Variants in TSPAN13 observed in about 807,000 individuals in gnomAD.
The protein encoded by TSPAN13 is tetraspanin 13.
TSPAN13 carries 18 observed loss-of-function variants against 26.9 expected under a neutral mutation model. The ratio of observed to expected loss-of-function variants is 0.67; its 90% CI spans 0.46 to 0.99. TSPAN13 has a LOEUF of 0.99. Ranked by LOEUF, TSPAN13 falls within the 50% of genes least tolerant of loss-of-function variation. The probability of loss-of-function intolerance (pLI) is 0.00; values close to 1 mark genes in which losing one functional copy is unlikely to be tolerated. For synonymous variants in TSPAN13, 116 were observed against 98.4 expected (o/e 1.18, Z -1.06); for missense variants, 201 against 249.6 (o/e 0.81, Z 1.31).
In TSPAN13 at chr7:16,779,031, C is replaced by T. The variant is rs1165836721; in HGVS notation, c.455C>T (p.Ser152Leu). 4.3e-6 allele frequency: 7 copies of T among 1,613,686 alleles called. No individual in the cohort carries two copies. Among genetic ancestry groups the T allele is most frequent in the South Asian group, 3.3e-5 (3 of 91,012 alleles). Residue 152 changes from serine (S) to leucine (L), a missense_variant, in exon 5 of 6, where the codon TCG (serine) becomes TTG (leucine). Coordinates refer to ENST00000262067, the MANE Select transcript of TSPAN13 (RefSeq NM_014399.4). The part of the protein sequence containing the change: ...ASCVKSDHSC[S>L]PCAPIIGEYA... Reference sequence around the variant, plus strand: ...TGTGTTAAAAGTGACCACTCGTGCTCGCCATGTGCTCCAATCATAGGAGAA... The same window carrying T: ...TGTGTTAAAAGTGACCACTCGTGCTTGCCATGTGCTCCAATCATAGGAGAA...
intron 1 of TSPAN13, among the ~76,000 whole-genome samples, chr7:16,775,366 A>G (rs1343911522): frequency 6.6e-6 from 1 of 152,218 alleles, no homozygotes; most frequent in African/African-American, 2.4e-5. Flanking sequence ...TGTTTTATAA[A>G]TATATGAATA....
Position 16,753,895 on chromosome 7 carries a change from G to A in TSPAN13, c.-73G>A. Reference sequence around the variant, plus strand: ...GCCTGGGCCAGGCCCCAAAGGCAAGGACAAAGCAGCTGTCAGGGAACCTCC... The same window carrying A: ...GCCTGGGCCAGGCCCCAAAGGCAAGAACAAAGCAGCTGTCAGGGAACCTCC... On this transcript the variant is annotated 5_prime_UTR_variant, in exon 1 of 6. Coordinates refer to ENST00000262067, the MANE Select transcript of TSPAN13 (RefSeq NM_014399.4). 2 of 1,505,498 alleles carry A rather than the reference G, an allele frequency of 1.3e-6. No homozygotes were observed. Among genetic ancestry groups the A allele is most frequent in the Non-Finnish European group, 1.8e-6 (2 of 1,099,626 alleles). The allele number at this position is 1,505,498 out of a possible 1,614,324, so 93.3% of individuals were successfully genotyped here. A position where few individuals can be genotyped will look rare whatever the true frequency, so the allele number is the denominator to read the frequency against.
chr7:16,771,483 G>C (rs1784679055), intron 1 of TSPAN13, among the ~76,000 whole-genome samples: 1 of 152,230 alleles, frequency 6.6e-6, no homozygotes, highest in South Asian at 2.1e-4. Flanking sequence ...ATCTGGGTGA[G>C]CTTTATGGAA....
intron 1 of TSPAN13, among the ~76,000 whole-genome samples, chr7:16,772,366 G>A (rs1235425360): frequency 6.6e-6 from 1 of 152,122 alleles, no homozygotes; most frequent in Non-Finnish European, 1.5e-5. Context: ...CCACGAACAT[G>A]GTGACTCAAA....
chr7:16,781,104 A>T (rs1030460124), intron 5 of TSPAN13, among the ~76,000 whole-genome samples: 16 of 152,204 alleles, frequency 1.1e-4, no homozygotes, highest in African/African-American at 3.9e-4. Flanking sequence ...ACAAACCTAA[A>T]CCATGAGAGA....
intron 1 of TSPAN13, among the ~76,000 whole-genome samples, chr7:16,761,967 C>T (rs541058877): frequency 8.1e-4 from 124 of 152,162 alleles, no homozygotes; most frequent in Non-Finnish European, 1.6e-3. Flanking sequence ...TTAGTGCTAA[C>T]AAAACATTTT....
Position 16,783,720 on chromosome 7 carries a change from T to C in TSPAN13, c.*229T>C, listed in dbSNP as rs1009579939. On this transcript the variant is annotated 3_prime_UTR_variant, in exon 6 of 6. Coordinates refer to ENST00000262067, the MANE Select transcript of TSPAN13 (RefSeq NM_014399.4). Reference sequence around the variant, plus strand: ...CTGAAGCTCGGTGGCACCTGGAATTTACTGTATTCATTGTCGGGCACTGTC... The same window carrying C: ...CTGAAGCTCGGTGGCACCTGGAATTCACTGTATTCATTGTCGGGCACTGTC... 2 of 555,720 alleles carry C rather than the reference T, an allele frequency of 3.6e-6. No individual in the cohort carries two copies. Among genetic ancestry groups the C allele is most frequent in the Non-Finnish European group, 6.4e-6 (2 of 312,868 alleles). The allele number at this position is 555,720 out of a possible 1,614,324, so 34.4% of individuals were successfully genotyped here.
At chr7:16,781,077 A>G (rs772686990) in intron 5 of TSPAN13, among the ~76,000 whole-genome samples, 3 of 152,220 alleles carry the variant, frequency 2.0e-5, no homozygotes, top group African/African-American at 4.8e-5. Flanking sequence ...GATTTGAACT[A>G]TTTATTATAC....
chr7:16,773,557 GAA>G (rs1455380690), intron 1 of TSPAN13, among the ~76,000 whole-genome samples: 1 of 152,172 alleles, frequency 6.6e-6, no homozygotes, highest in African/African-American at 2.4e-5. Flanking sequence ...CGTTTGCAGA[GAA>G]AGTTTGCCAA....
intron 1 of TSPAN13, among the ~76,000 whole-genome samples, chr7:16,768,347 A>C (rs151239908): frequency 1.5e-4 from 23 of 152,300 alleles, no homozygotes; most frequent in African/African-American, 5.5e-4. Flanking sequence ...CGGCAGGTAA[A>C]AACACAGATC....
chr7:16,779,240 A>C, intron 5 of TSPAN13, 124 bp downstream of exon 5: 1 of 662,248 alleles, frequency 1.5e-6, no homozygotes, highest in Non-Finnish European at 2.5e-6. Context: ...AAAAAGAGGA[A>C]ACTTGGTTTA....
chr7:16,778,087 TCCAGAGAGTGTTGAGAATTTCAAGG>T (rs1374645602), intron 4 of TSPAN13, among the ~76,000 whole-genome samples, 176 bp downstream of exon 4: 1 of 152,196 alleles, frequency 6.6e-6, no homozygotes, highest in Non-Finnish European at 1.5e-5. Context: ...AAATACCCAC[TCCAGAGAGTGTTGAGAATTTCAAGG>T]CCCTATTGGA....
At chr7:16,783,224 G>A (rs1270713281) in intron 5 of TSPAN13, among the ~76,000 whole-genome samples, 193 bp from the exon 6 acceptor site, 1 of 152,014 alleles carries the variant, frequency 6.6e-6, no homozygotes, top group African/African-American at 2.4e-5. Context: ...GTTTACCACA[G>A]TGTTCGTTTT....
intron 1 of TSPAN13, among the ~76,000 whole-genome samples, chr7:16,770,960 G>C (rs1419622348): frequency 6.6e-6 from 1 of 152,170 alleles, no homozygotes; most frequent in East Asian, 1.9e-4. Context: ...TCTCTTTCTG[G>C]ATAGGTTGTT....
chr7:16,783,562 A>T lies in TSPAN13; in HGVS notation c.*71A>T. The T allele has an allele frequency of 6.9e-7, 1 of 1,443,550 alleles. No individual in the cohort carries two copies. Among genetic ancestry groups the T allele is most frequent in the Non-Finnish European group, 9.7e-7 (1 of 1,026,818 alleles). 89.4% of individuals were successfully genotyped at this position (1,443,550 alleles called of 1,614,324 possible). ...TTTCTGTAATTTTCTGTTAAGCTCC[A>T]TTTGCCAGTTTAAGGAAGGAAACAC... On this transcript the variant is annotated 3_prime_UTR_variant, in exon 6 of 6. Coordinates refer to ENST00000262067, the MANE Select transcript of TSPAN13 (RefSeq NM_014399.4).
At chr7:16,782,353 C>G (rs927558770) in intron 5 of TSPAN13, among the ~76,000 whole-genome samples, 3 of 140,086 alleles carry the variant, frequency 2.1e-5, no homozygotes, top group African/African-American at 9.5e-5. Flanking sequence ...TTACCTAACT[C>G]TCTAGAAGTA....
intron 1 of TSPAN13, among the ~76,000 whole-genome samples, chr7:16,757,194 A>C (rs1784489396): frequency 6.6e-6 from 1 of 152,164 alleles, no homozygotes; most frequent in African/African-American, 2.4e-5. Context: ...TTGGGGGAAT[A>C]AAGGAGGTGT....
At chr7:16,775,090 T>C (rs1784726760) in intron 1 of TSPAN13, among the ~76,000 whole-genome samples, 1 of 152,186 alleles carries the variant, frequency 6.6e-6, no homozygotes, top group Non-Finnish European at 1.5e-5. Context: ...AGAAAATATA[T>C]TTTTTTATGT....
chr7:16,754,342 C>G (rs1437561244), intron 1 of TSPAN13, among the ~76,000 whole-genome samples: 1 of 152,234 alleles, frequency 6.6e-6, no homozygotes, highest in South Asian at 2.1e-4. Flanking sequence ...CGGACCTCTC[C>G]GCTTTCCCAC....
Sources: gnomAD v4.1 joint callset for allele counts (sites outside exome capture counted in the v4.1 genomes callset) on GRCh38, gnomAD v4.1.1 for gene constraint, MANE v1.5 for transcripts, NCBI Gene and HGNC (gene_info 2026-07-23, HGNC 2026-07-21) for gene names.